The following CSMD1 variants were observed in gnomAD, a reference collection of about 807,000 sequenced individuals.
The protein encoded by CSMD1 is CUB and sushi domain-containing protein 1.
A neutral mutation model predicts 417.5 loss-of-function variants in CSMD1; 213 were observed. That is an observed-to-expected ratio of 0.51 (90% confidence interval 0.46 to 0.57). The LOEUF (loss-of-function observed/expected upper bound fraction) is 0.57. CSMD1 is among the 20% of genes least tolerant of loss of function. The probability of loss-of-function intolerance (pLI) is 0.00; values close to 1 mark genes in which losing one functional copy is unlikely to be tolerated. For synonymous variants in CSMD1, 2,862 were observed against 1,736.8 expected, an observed-to-expected ratio of 1.65 and a Z score of -16.11; for missense variants, 6,923 against 4,529.7, an observed-to-expected ratio of 1.53 and a Z score of -15.17.
chr8:4,238,976 C>T (rs531813829), intron 3 of CSMD1, among the ~76,000 whole-genome samples: 189 of 152,258 alleles, frequency 1.2e-3, no homozygotes, highest in Admixed American at 2.3e-3. Context: ...GCCCAGAGTC[C>T]CATTTTCCTG....
At chr8:4,195,699 G>C (rs113847742) in intron 3 of CSMD1, among the ~76,000 whole-genome samples, 138 of 152,284 alleles carry the variant, frequency 9.1e-4, no homozygotes, top group South Asian at 3.5e-3. Flanking sequence ...TCCACGCAGG[G>C]AGAAATTGTG....
At position 3,029,321 on chromosome 8, in the gene CSMD1, C is replaced by T. The variant is rs756592339; in HGVS notation, c.7853G>A (p.Arg2618Gln). 3.1e-6 allele frequency: 5 copies of T among 1,602,994 alleles called. No homozygotes were observed. Among genetic ancestry groups the T allele is most frequent in the African/African-American group, 2.7e-5 (2 of 73,354 alleles). ...WNIGDERPSC[R>Q]VISCGSLSFP... ...GGGGTGCCTCCCTCATCACTTACCT[C>T]GACAGCTTGGCCTCTCATCTCCTAT... Residue 2618 changes from arginine (R) to glutamine (Q), a missense_variant and splice_region_variant, in exon 51 of 70, where the codon CGA (arginine) becomes CAA (glutamine). Physicochemically the swap from Arg to Gln is conservative, Grantham distance 43 (BLOSUM62 1). Transcript: ENST00000635120.
intron 3 of CSMD1, among the ~76,000 whole-genome samples, chr8:4,259,897 A>T (rs763179328): frequency 6.6e-6 from 1 of 152,152 alleles, no homozygotes; most frequent in African/African-American, 2.4e-5. Flanking sequence ...TTGCTACCGC[A>T]TAGTCTCTTC....
At chr8:4,836,646 T>A (rs1377174196) in intron 1 of CSMD1, among the ~76,000 whole-genome samples, 3 of 152,228 alleles carry the variant, frequency 2.0e-5, no homozygotes, top group Non-Finnish European at 4.4e-5. Flanking sequence ...AGGCAGTCAG[T>A]ACTTAATGAT....
intron 7 of CSMD1, among the ~76,000 whole-genome samples, chr8:3,650,420 C>G (rs1797794030): frequency 6.6e-6 from 1 of 152,128 alleles, no homozygotes. Context: ...GTCATACATA[C>G]AAATAAATAC....
chr8:3,776,088 C>G (rs901310891), intron 5 of CSMD1, among the ~76,000 whole-genome samples: 4 of 152,218 alleles, frequency 2.6e-5, no homozygotes, highest in African/African-American at 9.6e-5. Context: ...CAAATCTACT[C>G]TTTCCCCATC....
In CSMD1 at chr8:3,801,101, G is replaced by C. The variant is rs75768213; in HGVS notation, c.819-47059C>G. Among the ~76,000 whole-genome samples, 248 of 152,044 alleles carry C rather than the reference G, an allele frequency of 1.6e-3. 1 individual carries two copies. Among genetic ancestry groups the C allele is most frequent in the African/African-American group, 4.7e-3 (196 of 41,478 alleles). The stretch of plus-strand genomic sequence containing the variant: ...GATACAAAAAGCACAAGGAATTAAA[G>C]AAGACGGAAAGGTTAAATTTTACCG... On this transcript the variant is annotated intron_variant, in intron 5 of 69. Coordinates refer to ENST00000635120, the MANE Select transcript of CSMD1 (RefSeq NM_033225.6).
intron 1 of CSMD1, chr8:4,787,968 G>T: frequency 8.1e-6 from 13 of 1,595,752 alleles, no homozygotes; most frequent in Non-Finnish European, 1.1e-5. Flanking sequence ...CTGGCCATCA[G>T]GAGATCGAAG....
rs1585258263 is a variant in CSMD1, at chr8:4,336,708, G to C, written c.415+83245C>G. ...GAAGACAAAGTAGAGATGAGGCTGT[G>C]TATTCTTTCTAGGATCCAATTACTC... is the stretch of plus-strand genomic sequence containing the variant. On this transcript the variant is annotated intron_variant, in intron 3 of 69. Transcript: ENST00000635120. Among the ~76,000 whole-genome samples, 5 of 152,130 alleles carry C rather than the reference G, an allele frequency of 3.3e-5. No homozygotes were observed. In the South Asian group the frequency reaches 1.0e-3, roughly 32 times the overall value.
chr8:3,301,390 A>T (rs1462113641), intron 25 of CSMD1, among the ~76,000 whole-genome samples: 3 of 152,134 alleles, frequency 2.0e-5, no homozygotes, highest in Admixed American at 2.0e-4. Context: ...GGAGCTAGTG[A>T]AACTTGCCCT....
intron 5 of CSMD1, among the ~76,000 whole-genome samples, chr8:3,848,527 T>C (rs1426332711): frequency 2.0e-5 from 3 of 152,216 alleles, no homozygotes; most frequent in Admixed American, 6.5e-5. Flanking sequence ...CCTGAGAAGT[T>C]ACTTAATTTA....
intron 4 of CSMD1, among the ~76,000 whole-genome samples, chr8:4,030,454 C>G (rs1382243960): frequency 6.6e-6 from 1 of 152,228 alleles, no homozygotes; most frequent in Non-Finnish European, 1.5e-5. Flanking sequence ...TCTGATGACA[C>G]AGCCTGAGCT....
At chr8:4,600,078 T>G (rs1244936415) in intron 2 of CSMD1, among the ~76,000 whole-genome samples, 1 of 152,156 alleles carries the variant, frequency 6.6e-6, no homozygotes. Context: ...TTTTATACTG[T>G]GGAGTTAGGA....
At chr8:4,084,939 T>C (rs899955584) in intron 3 of CSMD1, among the ~76,000 whole-genome samples, 1 of 152,136 alleles carries the variant, frequency 6.6e-6, no homozygotes. Flanking sequence ...AATTGGTAAT[T>C]TGGGAAAGCA....
chr8:3,464,238 G>C (rs1227307363), intron 12 of CSMD1, among the ~76,000 whole-genome samples: 1 of 152,084 alleles, frequency 6.6e-6, no homozygotes, highest in African/African-American at 2.4e-5. Flanking sequence ...ATGCTTCAGA[G>C]TCAACTCACT....
intron 41 of CSMD1, among the ~76,000 whole-genome samples, chr8:3,120,576 C>T (rs1369130861): frequency 6.6e-6 from 1 of 152,044 alleles, no homozygotes; most frequent in Non-Finnish European, 1.5e-5. Context: ...AGGCTGGGCT[C>T]GGTGGCTCAT....
intron 1 of CSMD1, among the ~76,000 whole-genome samples, chr8:4,825,425 T>A (rs967122869): frequency 1.1e-4 from 17 of 152,104 alleles, no homozygotes; most frequent in African/African-American, 4.1e-4. Context: ...CTAGGCACAG[T>A]GTAGACCAGC....
At chr8:4,821,145 C>A (rs1799499724) in intron 1 of CSMD1, among the ~76,000 whole-genome samples, 1 of 152,130 alleles carries the variant, frequency 6.6e-6, no homozygotes, top group Admixed American at 6.5e-5. Context: ...GCCGAAACTT[C>A]TCTGAGTCAC....
chr8:3,999,035 T>A (rs1248506930), intron 4 of CSMD1, among the ~76,000 whole-genome samples: 1 of 149,752 alleles, frequency 6.7e-6, no homozygotes, highest in African/African-American at 2.4e-5. Context: ...ATACTTTATA[T>A]ACTATATATA....
Sources: allele counts gnomAD v4.1 joint callset (sites outside exome capture counted in the v4.1 genomes callset), GRCh38; gene constraint gnomAD v4.1.1; transcripts MANE v1.5; gene names NCBI Gene and HGNC (gene_info 2026-07-23, HGNC 2026-07-21).